Variants in GFPT2 observed in about 807,000 individuals in gnomAD.
GFPT2 encodes the protein glutamine--fructose-6-phosphate aminotransferase [isomerizing] 2.
GFPT2 carries 62 observed loss-of-function variants against 85.6 expected under a neutral mutation model. That is an observed-to-expected ratio of 0.72 (90% CI 0.59 to 0.90). GFPT2 has a LOEUF of 0.90. GFPT2 is among the 40% of genes least tolerant of loss of function. The pLI is 0.00. For missense variants in GFPT2, 788 were observed against 893.4 expected (o/e 0.88, Z 1.50); for synonymous variants, 368 against 344.5 (o/e 1.07, Z -0.75).
rs772812041 is a variant in GFPT2, at chr5:180,302,406, G to T, written c.2004+17C>A. ...ATGTCTCTCCTCTCTGCTGTTAGGTGCAGTTTTTAGACGCACGTCATATCC... is the reference window on the plus strand; with the variant it reads ...ATGTCTCTCCTCTCTGCTGTTAGGTTCAGTTTTTAGACGCACGTCATATCC... On this transcript the variant is annotated intron_variant, in intron 18 of 18. Coordinates refer to ENST00000253778, the MANE Select transcript of GFPT2 (RefSeq NM_005110.4). 1.6e-5 allele frequency: 26 copies of T among 1,604,716 alleles called. No individual in the cohort carries two copies. The highest frequency in any genetic ancestry group is 2.0e-5 in the Non-Finnish European group (23 of 1,173,414).
rs748915451 is a variant in GFPT2, at chr5:180,317,045, C to T, written c.972G>A (p.Ala324=). The change falls in exon 11 of 19, where the codon GCG becomes GCA. Residue 324 remains alanine (A), a synonymous_variant. Coordinates refer to ENST00000253778, the MANE Select transcript of GFPT2 (RefSeq NM_005110.4). The part of the protein sequence containing the change: ...LQQIMKGNFS[A]FMQKEIFEQP... ...GTTCGAAGATCTCCTTCTGCATAAA[C>T]GCACTGAAGTTACCTGGTCAAATAA... 1.3e-5 allele frequency: 21 copies of T among 1,598,890 alleles called. No homozygotes were observed. The Admixed American group carries it at 2.0e-4, about 15-fold the overall frequency.
chr5:180,332,942 C>A (rs777125424), intron 4 of GFPT2, among the ~76,000 whole-genome samples: 8 of 152,138 alleles, frequency 5.3e-5, no homozygotes, highest in Non-Finnish European at 1.2e-4. Context: ...TTCCATTATT[C>A]TTTTTCTTTA....
At chr5:180,341,513 T>A (rs1764514774) in intron 1 of GFPT2, among the ~76,000 whole-genome samples, 1 of 152,206 alleles carries the variant, frequency 6.6e-6, no homozygotes, top group Non-Finnish European at 1.5e-5. Context: ...AAATAGGCAA[T>A]AAAATTAAAT....
At chr5:180,322,777 C>G (rs1315704770) in intron 9 of GFPT2, among the ~76,000 whole-genome samples, 1 of 152,062 alleles carries the variant, frequency 6.6e-6, no homozygotes, top group African/African-American at 2.4e-5. Flanking sequence ...TGGCTCACAC[C>G]TGTAATCCCA....
intron 1 of GFPT2, among the ~76,000 whole-genome samples, chr5:180,348,508 C>T (rs888790681): frequency 1.3e-4 from 20 of 152,222 alleles, no homozygotes; most frequent in African/African-American, 4.3e-4. Flanking sequence ...TGTGATCCCA[C>T]GCCAGGCTCT....
Position 180,328,009 on chromosome 5 carries a change from A to G in GFPT2, c.596+268T>C, listed in dbSNP as rs1429658078. Among the ~76,000 whole-genome samples the G allele has an allele frequency of 1.3e-5, 2 of 151,912 alleles. No individual in the cohort carries two copies. Among genetic ancestry groups the G allele is most frequent in the African/African-American group, 4.8e-5 (2 of 41,320 alleles). ...TCTGTACGATTTTATTTATAACTGG[A>G]ATTTGTTGCCCACCTCTAAAAATCT... On this transcript the variant is annotated intron_variant, in intron 7 of 18. Transcript: ENST00000253778. This position sits in a 1 kb window ranked among gnomAD's most constrained non-coding sequence, Gnocchi z 5.4.
chr5:180,328,278 G>A lies in GFPT2; in HGVS notation c.595C>T (p.Arg199Trp), dbSNP rs751339440. 1.8e-5 allele frequency: 29 copies of A among 1,606,110 alleles called. No individual in the cohort carries two copies. The highest frequency in any genetic ancestry group is 6.7e-5 in the East Asian group (3 of 44,842). ...VHYPGEAVAT[R>W]RGSPLLIGVR... ...AAATGCCAGTGTGTTTTGCCTCACCGTGTGGCAACGGCTTCTCCTGGGTAG... is the reference window on the plus strand; with the variant it reads ...AAATGCCAGTGTGTTTTGCCTCACCATGTGGCAACGGCTTCTCCTGGGTAG... The change falls in exon 7 of 19, where the codon CGG (arginine) becomes TGG (tryptophan). Residue 199 changes from arginine (R) to tryptophan (W), a missense_variant and splice_region_variant. Physicochemically the swap from Arg to Trp is moderately radical, Grantham distance 101 (BLOSUM62 -3). Transcript: ENST00000253778. This position sits in a 1 kb window ranked among gnomAD's most constrained non-coding sequence, Gnocchi z 5.4.
At chr5:180,334,184 C>T (rs1358511302) in intron 4 of GFPT2, among the ~76,000 whole-genome samples, 1 of 152,228 alleles carries the variant, frequency 6.6e-6, no homozygotes, top group Non-Finnish European at 1.5e-5. Context: ...AAAAACCTCA[C>T]TCCCTCAAGA....
chr5:180,351,801 A>T (rs1426132120), intron 1 of GFPT2, among the ~76,000 whole-genome samples: 2 of 152,132 alleles, frequency 1.3e-5, no homozygotes, highest in African/African-American at 4.8e-5. Context: ...CAGGGGTGGC[A>T]GTGGGGGCAG....
chr5:180,310,832 CAAAAAAAAAAAAAAAAAA>C (rs3080055), intron 15 of GFPT2, among the ~76,000 whole-genome samples: 1 of 50,582 alleles, frequency 2.0e-5, no homozygotes, highest in Non-Finnish European at 3.3e-5. Flanking sequence ...TGGACACAGG[CAAAAAAAAAAAAAAAAAA>C]AAAAAAAAAA....
intron 14 of GFPT2, 124 bp downstream of exon 14, chr5:180,313,683 G>A (rs1763943552): frequency 3.2e-6 from 2 of 616,302 alleles, no homozygotes; most frequent in South Asian, 2.5e-5. Context: ...GCGGAGAGAA[G>A]GGGTGAGGCG....
At chr5:180,348,288 GGCCT>G (rs1764648729) in intron 1 of GFPT2, among the ~76,000 whole-genome samples, 1 of 152,236 alleles carries the variant, frequency 6.6e-6, no homozygotes, top group African/African-American at 2.4e-5. Context: ...TGTGTGCCTG[GGCCT>G]GCCTGTGTGT....
At chr5:180,336,321 C>A in intron 3 of GFPT2, 158 bp downstream of exon 3, 1 of 678,682 alleles carries the variant, frequency 1.5e-6, no homozygotes, top group Non-Finnish European at 2.7e-6. Flanking sequence ...CCATCCCATA[C>A]CCTGCGAAGC....
chr5:180,339,715 A>C (rs1764473470), intron 1 of GFPT2, among the ~76,000 whole-genome samples: 1 of 152,104 alleles, frequency 6.6e-6, no homozygotes, highest in East Asian at 1.9e-4. Flanking sequence ...TGCCCACTTC[A>C]AAGCTCAGCT....
At chr5:180,302,937 G>A (rs1263266309) in intron 17 of GFPT2, among the ~76,000 whole-genome samples, 2 of 152,128 alleles carry the variant, frequency 1.3e-5, no homozygotes, top group Admixed American at 6.6e-5. Flanking sequence ...AAGAAATAAA[G>A]ATGAATTCCA....
At position 180,315,181 on chromosome 5, in the gene GFPT2, C is replaced by CTTTTTCT. The variant is rs1554133429; in HGVS notation, c.1273+1159_1273+1160insAGAAAAA. ...ACCGTGGTCATACGTTTTTCTTTTT[C>CTTTTTCT]TTTTTTTTTTTTTTGAGACGGAGTC... On this transcript the variant is annotated intron_variant, in intron 13 of 18. Coordinates refer to ENST00000253778, the MANE Select transcript of GFPT2 (RefSeq NM_005110.4). Among the ~76,000 whole-genome samples, 16 of 144,140 alleles carry CTTTTTCT rather than the reference C, an allele frequency of 1.1e-4. No homozygotes were observed. The South Asian group carries it at 3.1e-3, about 28-fold the overall frequency. The allele number at this position is 144,140 out of a possible 152,430, so 94.6% of individuals were successfully genotyped here. A position where few individuals can be genotyped will look rare whatever the true frequency, so the allele number is the denominator to read the frequency against.
At chr5:180,304,354 G>C (rs1763737318) in intron 17 of GFPT2, among the ~76,000 whole-genome samples, 1 of 152,206 alleles carries the variant, frequency 6.6e-6, no homozygotes, top group Non-Finnish European at 1.5e-5. Flanking sequence ...GTGGACCCCT[G>C]GCTTGCAACA....
chr5:180,311,956 AG>A (rs1561873219), intron 15 of GFPT2, among the ~76,000 whole-genome samples: 2 of 148,322 alleles, frequency 1.3e-5, no homozygotes, highest in Admixed American at 6.8e-5. Context: ...GCTGAGGACC[AG>A]GGAGGCAGGG....
rs146071149 is a variant in GFPT2 at position 180,328,369 on chromosome 5, C to T, written c.535-31G>A. ...AACACACAAACAGTGAGGGTCAACG[C>T]GTTCCAGCAGCCGCTGCTGCAGCCT... On this transcript the variant is annotated intron_variant, in intron 6 of 18. Transcript: ENST00000253778. The surrounding 1 kb of genome is among the most constrained non-coding windows in gnomAD (Gnocchi z 5.4). 358 of 1,576,530 alleles carry T rather than the reference C, an allele frequency of 2.3e-4. 1 individual carries two copies. The African/African-American group carries it at 3.8e-3, about 17-fold the overall frequency.
Sources: gnomAD v4.1 joint callset for allele counts (sites outside exome capture counted in the v4.1 genomes callset) on GRCh38, gnomAD v4.1.1 for gene constraint, Gnocchi (gnomAD v3.1) non-coding constraint, MANE v1.5 for transcripts, NCBI Gene and HGNC (gene_info 2026-07-23, HGNC 2026-07-21) for gene names.